The following B3GALT1 variants were observed in gnomAD, a reference collection of about 807,000 sequenced individuals.
B3GALT1 encodes UDP-Gal:betaGlcNAc beta 1,3-galactosyltransferase, polypeptide 1.
A neutral mutation model predicts 23.2 loss-of-function variants in B3GALT1; 10 were observed. The observed-to-expected ratio is 0.43, with a 90% CI of 0.27 to 0.73. B3GALT1 has a LOEUF of 0.73. Ranked by LOEUF, B3GALT1 falls within the 30% of genes least tolerant of loss-of-function variation. The pLI, the probability that B3GALT1 is intolerant of heterozygous loss-of-function variation, is 0.21. For synonymous variants in B3GALT1, 156 were observed against 141.5 expected, an observed-to-expected ratio of 1.10 and a Z score of -0.73; for missense variants, 299 against 405.4, an observed-to-expected ratio of 0.74 and a Z score of 2.25.
At position 167,812,880 on chromosome 2, in the gene B3GALT1, C is replaced by A. The variant is rs561233291; in HGVS notation, c.-351-5792C>A. ...TATTTTACAGTCCAAAAAACGGAAG[C>A]TTTGCTCTTAATTATCAATACTCTG... is the stretch of plus-strand genomic sequence containing the variant. On this transcript the variant is annotated intron_variant, in intron 3 of 4. Transcript: ENST00000392690. 3.3e-5 allele frequency among the ~76,000 whole-genome samples: 5 copies of A among 152,036 alleles called. No individual in the cohort carries two copies. The South Asian group carries it at 1.0e-3, about 32-fold the overall frequency.
chr2:167,408,561 A>C (rs1296157209), intron 1 of B3GALT1, among the ~76,000 whole-genome samples: 1 of 152,200 alleles, frequency 6.6e-6, no homozygotes, highest in Non-Finnish European at 1.5e-5. Context: ...CCAAATTGGA[A>C]AGGAAGTTAA....
intron 2 of B3GALT1, among the ~76,000 whole-genome samples, chr2:167,502,906 G>A (rs187432023): frequency 3.9e-4 from 59 of 152,212 alleles, no homozygotes; most frequent in African/African-American, 1.3e-3. Context: ...GGGCATGGTG[G>A]CAGGCGCCTG....
At chr2:167,502,612 G>A (rs886940563) in intron 2 of B3GALT1, among the ~76,000 whole-genome samples, 2 of 152,076 alleles carry the variant, frequency 1.3e-5, no homozygotes, top group Non-Finnish European at 2.9e-5. Context: ...AGAGCAAAGG[G>A]GGAAGTGCCA....
intron 3 of B3GALT1, among the ~76,000 whole-genome samples, chr2:167,744,233 G>T (rs1281432276): frequency 6.6e-6 from 1 of 152,100 alleles, no homozygotes; most frequent in Admixed American, 6.6e-5. Context: ...AATCAAGCTG[G>T]TTAATGGTAT....
At chr2:167,368,898 C>T (rs10930269) in intron 1 of B3GALT1, among the ~76,000 whole-genome samples, 32 of 152,102 alleles carry the variant, frequency 2.1e-4, no homozygotes, top group Admixed American at 7.2e-4. Context: ...GCTTCCCCCC[C>T]CCATGTGAGT....
intron 2 of B3GALT1, among the ~76,000 whole-genome samples, chr2:167,582,237 CT>C (rs1327428338): frequency 6.6e-6 from 1 of 152,096 alleles, no homozygotes; most frequent in African/African-American, 2.4e-5. Flanking sequence ...GAATTTTATT[CT>C]CTTCAAACTC....
At chr2:167,866,888 T>C (rs752849531) in intron 4 of B3GALT1, among the ~76,000 whole-genome samples, 2 of 152,214 alleles carry the variant, frequency 1.3e-5, no homozygotes, top group Non-Finnish European at 2.9e-5. Context: ...TACAACCTTT[T>C]GTAATTGAAA....
rs1696568714 is a variant in B3GALT1 at position 167,307,508 on chromosome 2, G to T, written c.-511+14174G>T. Among the ~76,000 whole-genome samples, 6 of 151,984 alleles carry T rather than the reference G, an allele frequency of 3.9e-5. 1 individual carries two copies. The South Asian group carries it at 1.2e-3, about 32-fold the overall frequency. On this transcript the variant is annotated intron_variant, in intron 1 of 4. Coordinates refer to ENST00000392690, the MANE Select transcript of B3GALT1 (RefSeq NM_020981.4). ...TTTTGGATTTCTCAGTAATAAAGAT[G>T]TTATTTTCTAAGAGTGCACTAATAA...
chr2:167,678,531 A>C (rs1031552110), intron 3 of B3GALT1, among the ~76,000 whole-genome samples: 2 of 151,954 alleles, frequency 1.3e-5, no homozygotes, highest in Non-Finnish European at 2.9e-5. Context: ...CACCATCCCC[A>C]TCTTATACAT....
chr2:167,397,940 G>T (rs1012250579), intron 1 of B3GALT1, among the ~76,000 whole-genome samples: 20 of 152,252 alleles, frequency 1.3e-4, no homozygotes, highest in Admixed American at 1.1e-3. Context: ...CTAGGTGAAT[G>T]ACTTCAGCCA....
At chr2:167,343,643 G>A (rs1203446428) in intron 1 of B3GALT1, among the ~76,000 whole-genome samples, 1 of 152,040 alleles carries the variant, frequency 6.6e-6, no homozygotes, top group Non-Finnish European at 1.5e-5. Context: ...AAGAAAGCAT[G>A]CCCATTGTCC....
chr2:167,526,250 T>G (rs532041351), intron 2 of B3GALT1, among the ~76,000 whole-genome samples: 1 of 152,244 alleles, frequency 6.6e-6, no homozygotes, highest in East Asian at 1.9e-4. Context: ...TGTTTATATA[T>G]TAAGGTAAAC....
chr2:167,436,975 C>T (rs1183432754), intron 1 of B3GALT1, among the ~76,000 whole-genome samples: 3 of 152,188 alleles, frequency 2.0e-5, no homozygotes, highest in African/African-American at 4.8e-5. Context: ...AACTGAGAGG[C>T]GGGGAGCAAT....
At chr2:167,760,705 C>T (rs749350519) in intron 3 of B3GALT1, among the ~76,000 whole-genome samples, 1 of 152,132 alleles carries the variant, frequency 6.6e-6, no homozygotes, top group African/African-American at 2.4e-5. Flanking sequence ...TCTTAAGACA[C>T]GGGCTGATCT....
chr2:167,604,302 A>G (rs565355366), intron 2 of B3GALT1, among the ~76,000 whole-genome samples: 1 of 152,278 alleles, frequency 6.6e-6, no homozygotes, highest in East Asian at 1.9e-4. Context: ...AAGCTCATCA[A>G]AGATGACAAG....
intron 1 of B3GALT1, among the ~76,000 whole-genome samples, chr2:167,482,998 T>G (rs905110813): frequency 6.6e-6 from 1 of 151,900 alleles, no homozygotes; most frequent in Non-Finnish European, 1.5e-5. Context: ...TCATTAAAAT[T>G]TCTTGAGGCC....
At chr2:167,611,216 T>A (rs1324396752) in intron 2 of B3GALT1, among the ~76,000 whole-genome samples, 1 of 152,052 alleles carries the variant, frequency 6.6e-6, no homozygotes, top group Non-Finnish European at 1.5e-5. Flanking sequence ...TTTAATTTTT[T>A]AAATTATTAA....
At chr2:167,694,330 A>G (rs999033184) in intron 3 of B3GALT1, among the ~76,000 whole-genome samples, 1 of 152,170 alleles carries the variant, frequency 6.6e-6, no homozygotes, top group African/African-American at 2.4e-5. Flanking sequence ...TTAAGTTTCA[A>G]TTAATAGATC....
intron 3 of B3GALT1, among the ~76,000 whole-genome samples, chr2:167,802,945 A>C (rs1688665902): frequency 6.6e-6 from 1 of 152,138 alleles, no homozygotes; most frequent in East Asian, 1.9e-4. Context: ...GTATATATTC[A>C]CATTGGAAAA....
Sources: allele counts gnomAD v4.1 joint callset (sites outside exome capture counted in the v4.1 genomes callset), GRCh38; gene constraint gnomAD v4.1.1; transcripts MANE v1.5; gene names NCBI Gene and HGNC (gene_info 2026-07-23, HGNC 2026-07-21).